ITCH: variants seen among roughly 807,000 people sequenced by gnomAD.
ITCH encodes E3 ubiquitin-protein ligase Itchy homolog.
In ITCH, 28 loss-of-function variants were observed where a neutral mutation model predicts 126.8. That is an observed-to-expected ratio of 0.22 (90% CI 0.16 to 0.30). The LOEUF (loss-of-function observed/expected upper bound fraction) is 0.30. ITCH is among the 10% of genes least tolerant of loss of function. The probability of loss-of-function intolerance (pLI) is 1.00; values close to 1 mark genes in which losing one functional copy is unlikely to be tolerated. For missense variants in ITCH, 631 were observed against 1,032.4 expected (o/e 0.61, Z 5.33); for synonymous variants, 342 against 340.0 (o/e 1.01, Z -0.06).
At chr20:34,466,383 A>T (rs1322378871) in intron 14 of ITCH, 3 of 532,326 alleles carry the variant, frequency 5.6e-6, no homozygotes, top group Non-Finnish European at 7.7e-6. Context: ...TAGTTTTCTT[A>T]TAGTGTGGCT....
chr20:34,480,972 T>G, intron 19 of ITCH, 94 bp from the exon 20 acceptor site: 3 of 1,259,256 alleles, frequency 2.4e-6, no homozygotes, highest in Non-Finnish European at 3.5e-6. Context: ...TAGCTTAATA[T>G]TAATTATTTA....
intron 2 of ITCH, among the ~76,000 whole-genome samples, chr20:34,372,975 CTTT>C (rs749322692): frequency 2.2e-5 from 3 of 139,202 alleles, no homozygotes; most frequent in Admixed American, 7.3e-5. Flanking sequence ...GAATGTATTC[CTTT>C]TTTTTTTTTT....
intron 16 of ITCH, chr20:34,475,936 G>A: frequency 7.3e-7 from 1 of 1,374,110 alleles, no homozygotes; most frequent in East Asian, 2.3e-5. Context: ...AGGAGGTCTT[G>A]CCCACATCAA....
At chr20:34,402,022 T>C (rs1445605785) in intron 3 of ITCH, 2 of 593,510 alleles carry the variant, frequency 3.4e-6, no homozygotes, top group South Asian at 1.9e-5. Flanking sequence ...TACATGTGGG[T>C]AGGTGCAGTG....
chr20:34,469,912 A>G, intron 14 of ITCH, 136 bp from the exon 15 acceptor site: 1 of 750,410 alleles, frequency 1.3e-6, no homozygotes, highest in Non-Finnish European at 2.5e-6. Flanking sequence ...AAAGCAAAGA[A>G]TGGTTTTGTT....
chr20:34,429,543 T>C (rs975128187), intron 7 of ITCH, among the ~76,000 whole-genome samples: 2 of 152,180 alleles, frequency 1.3e-5, no homozygotes, highest in Non-Finnish European at 2.9e-5. Context: ...GGTCTACATT[T>C]TGAGAACACA....
At chr20:34,385,329 C>A (rs1049878377) in intron 2 of ITCH, among the ~76,000 whole-genome samples, 6 of 148,358 alleles carry the variant, frequency 4.0e-5, no homozygotes, top group South Asian at 2.2e-4. Context: ...TTGCAAAGTG[C>A]TGGGATTACA....
In ITCH at chr20:34,387,439, C is replaced by T. The variant is rs1046841142; in HGVS notation, c.-21-6352C>T. ...TGAGCCCAGGAGTTCGAGACTAGCC[C>T]GGGCAATATAGTGAGACCCTGTCTC... On this transcript the variant is annotated intron_variant, in intron 2 of 24. Coordinates refer to ENST00000374864, the MANE Select transcript of ITCH (RefSeq NM_031483.7). Among the ~76,000 whole-genome samples the T allele has an allele frequency of 1.9e-4, 29 of 151,984 alleles. 1 individual carries two copies. The highest frequency in any genetic ancestry group is 4.1e-4 in the South Asian group (2 of 4,826).
At chr20:34,421,190 C>G (rs1980717481) in intron 6 of ITCH, among the ~76,000 whole-genome samples, 1 of 152,194 alleles carries the variant, frequency 6.6e-6, no homozygotes, top group Non-Finnish European at 1.5e-5. Context: ...TCATAGCACA[C>G]TGCACCTTTG....
At chr20:34,371,081 T>C (rs1263491067) in intron 2 of ITCH, among the ~76,000 whole-genome samples, 3 of 144,502 alleles carry the variant, frequency 2.1e-5, no homozygotes, top group Non-Finnish European at 3.0e-5. Context: ...GGCAGGAGAA[T>C]GGTGTGAACC....
chr20:34,482,009 C>G (rs1988787176), intron 20 of ITCH, among the ~76,000 whole-genome samples: 2 of 151,850 alleles, frequency 1.3e-5, no homozygotes, highest in Non-Finnish European at 2.9e-5. Flanking sequence ...GACTCTGTCT[C>G]AAAACAAACA....
intron 3 of ITCH, among the ~76,000 whole-genome samples, chr20:34,396,675 C>A (rs1332600947): frequency 6.6e-6 from 1 of 151,836 alleles, no homozygotes; most frequent in Non-Finnish European, 1.5e-5. Context: ...TACCCAGCTC[C>A]CTATTGTGGT....
chr20:34,434,457 C>A (rs1601891700), intron 7 of ITCH, among the ~76,000 whole-genome samples: 1 of 152,010 alleles, frequency 6.6e-6, no homozygotes, highest in South Asian at 2.1e-4. Context: ...TAGAGTAAGA[C>A]AAAAGGTCTA....
At chr20:34,367,280 C>T (rs535091135) in intron 1 of ITCH, among the ~76,000 whole-genome samples, 1 of 152,084 alleles carries the variant, frequency 6.6e-6, no homozygotes, top group Non-Finnish European at 1.5e-5. Flanking sequence ...CGGGTTCAAG[C>T]GATTCGTGTG....
chr20:34,397,806 T>G (rs1271270640), intron 3 of ITCH, among the ~76,000 whole-genome samples: 1 of 152,144 alleles, frequency 6.6e-6, no homozygotes, highest in Non-Finnish European at 1.5e-5. Context: ...GACTTCTTTT[T>G]GGCAGCTTAA....
At chr20:34,402,547 T>C in intron 3 of ITCH, 2 of 733,056 alleles carry the variant, frequency 2.7e-6, no homozygotes, top group Non-Finnish European at 5.1e-6. Flanking sequence ...CTCTGCAGTA[T>C]CAAAAAGTCC....
intron 17 of ITCH, among the ~76,000 whole-genome samples, chr20:34,478,669 C>G (rs1200637632): frequency 6.6e-6 from 1 of 152,096 alleles, no homozygotes; most frequent in East Asian, 1.9e-4. Flanking sequence ...TATTAATGAC[C>G]TAGTTCAGAG....
At chr20:34,402,753 T>G (rs1025909028) in intron 3 of ITCH, 25 of 311,110 alleles carry the variant, frequency 8.0e-5, no homozygotes, top group African/African-American at 5.3e-4. Context: ...TGACCTCAGC[T>G]TCTCCACCGG....
intron 1 of ITCH, among the ~76,000 whole-genome samples, chr20:34,368,824 C>T (rs954899148): frequency 2.0e-5 from 3 of 152,210 alleles, no homozygotes; most frequent in African/African-American, 2.4e-5. Context: ...TATGGTGACC[C>T]TTATAGGCTG....
Sources: gnomAD v4.1 joint callset for allele counts (sites outside exome capture counted in the v4.1 genomes callset) on GRCh38, gnomAD v4.1.1 for gene constraint, MANE v1.5 for transcripts, NCBI Gene and HGNC (gene_info 2026-07-23, HGNC 2026-07-21) for gene names.